Variants in WWOX observed in about 807,000 individuals in gnomAD.
The protein encoded by WWOX is WW domain containing oxidoreductase, also known as WW domain-containing oxidoreductase.
A neutral mutation model predicts 46.2 loss-of-function variants in WWOX; 69 were observed. The ratio of observed to expected loss-of-function variants is 1.49; its 90% CI spans 1.23 to 1.82. The LOEUF (loss-of-function observed/expected upper bound fraction) is 1.82, where lower values mean the gene tolerates loss of function less well. WWOX is among the 40% of genes most tolerant of loss of function. WWOX has a pLI of 0.00. For missense variants in WWOX, 919 were observed against 542.6 expected (o/e 1.69, Z -6.89); for synonymous variants, 359 against 202.6 (o/e 1.77, Z -6.56).
At chr16:79,177,379 C>T (rs1425259059) in intron 8 of WWOX, among the ~76,000 whole-genome samples, 1 of 151,468 alleles carries the variant, frequency 6.6e-6, no homozygotes, top group Non-Finnish European at 1.5e-5. Context: ...TTTCCACTCT[C>T]CCTCCGTGGC....
chr16:78,303,597 T>A (rs2080081413), intron 5 of WWOX, among the ~76,000 whole-genome samples: 1 of 152,194 alleles, frequency 6.6e-6, no homozygotes, highest in African/African-American at 2.4e-5. Flanking sequence ...CAGTCTGGAG[T>A]GCAATGGCAC....
chr16:79,083,256 C>G (rs1401597211), intron 8 of WWOX, among the ~76,000 whole-genome samples: 3 of 152,110 alleles, frequency 2.0e-5, no homozygotes, highest in Admixed American at 6.6e-5. Context: ...TTTGCTTTGC[C>G]TAATGAAATG....
At chr16:79,137,431 C>T (rs1376255469) in intron 8 of WWOX, among the ~76,000 whole-genome samples, 1 of 152,168 alleles carries the variant, frequency 6.6e-6, no homozygotes, top group Non-Finnish European at 1.5e-5. Flanking sequence ...CATTTAGAGA[C>T]AGAATTCACT....
chr16:79,049,282 C>G (rs563087135), intron 8 of WWOX, among the ~76,000 whole-genome samples: 28 of 152,278 alleles, frequency 1.8e-4, no homozygotes, highest in African/African-American at 6.5e-4. Context: ...CAGATTTTGC[C>G]TTTGTCAAGG....
chr16:78,548,351 A>AAC (rs1364886190), intron 8 of WWOX, among the ~76,000 whole-genome samples: 1 of 151,568 alleles, frequency 6.6e-6, no homozygotes, highest in East Asian at 1.9e-4. Flanking sequence ...AGAAAAAAAA[A>AAC]ATCCAGATTG....
intron 8 of WWOX, among the ~76,000 whole-genome samples, chr16:78,607,922 A>G (rs2045801493): frequency 6.6e-6 from 1 of 152,182 alleles, no homozygotes; most frequent in Non-Finnish European, 1.5e-5. Flanking sequence ...CTGTAAAAAT[A>G]TTGCTGGCTC....
chr16:79,001,754 C>T (rs1300479839), intron 8 of WWOX, among the ~76,000 whole-genome samples: 1 of 151,854 alleles, frequency 6.6e-6, no homozygotes, highest in Non-Finnish European at 1.5e-5. Context: ...GGCGTTTGTG[C>T]AGTGGGAAGT....
chr16:78,556,398 A>G (rs777547437), intron 8 of WWOX, among the ~76,000 whole-genome samples: 19 of 152,134 alleles, frequency 1.2e-4, no homozygotes, highest in Non-Finnish European at 2.2e-4. Flanking sequence ...ACTTGAGAGG[A>G]GCAGAGTTCT....
chr16:78,746,501 C>A (rs2049350243), intron 8 of WWOX, among the ~76,000 whole-genome samples: 1 of 152,036 alleles, frequency 6.6e-6, no homozygotes, highest in Non-Finnish European at 1.5e-5. Context: ...TGCTAAAGTG[C>A]ATTGTAGTAA....
chr16:78,972,593 C>A (rs4888896), intron 8 of WWOX, among the ~76,000 whole-genome samples: 67,994 of 151,678 alleles, frequency 0.45, 15,616 homozygotes, highest in East Asian at 0.49. Context: ...GTTCCATTTA[C>A]ATTGAATGGC....
At chr16:78,112,171 T>G (rs1304163723) in intron 3 of WWOX, among the ~76,000 whole-genome samples, 1 of 152,222 alleles carries the variant, frequency 6.6e-6, no homozygotes, top group African/African-American at 2.4e-5. Context: ...ACTTTAAGGT[T>G]GAGCAAACAC....
intron 8 of WWOX, among the ~76,000 whole-genome samples, chr16:79,105,114 G>T (rs1284361021): frequency 1.3e-5 from 2 of 152,136 alleles, no homozygotes; most frequent in African/African-American, 4.8e-5. Context: ...CACCTGCTGG[G>T]GGTCTTTGGG....
intron 5 of WWOX, among the ~76,000 whole-genome samples, chr16:78,345,062 G>C (rs907100527): frequency 1.7e-5 from 2 of 119,340 alleles, no homozygotes; most frequent in African/African-American, 5.7e-5. Flanking sequence ...TGGACCTAAA[G>C]TACCTAGGAG....
At chr16:78,619,578 A>G (rs2046125994) in intron 8 of WWOX, among the ~76,000 whole-genome samples, 3 of 151,804 alleles carry the variant, frequency 2.0e-5, no homozygotes, top group Non-Finnish European at 1.5e-5. Flanking sequence ...TTTGTTAAAT[A>G]CAGAAGTAAA....
At chr16:79,206,974 C>T (rs1056928893) in intron 8 of WWOX, among the ~76,000 whole-genome samples, 1 of 152,050 alleles carries the variant, frequency 6.6e-6, no homozygotes, top group Non-Finnish European at 1.5e-5. Context: ...GAGATTGAAG[C>T]TGTAATTGTT....
At chr16:79,132,165 C>CACCCCT (rs893022414) in intron 8 of WWOX, among the ~76,000 whole-genome samples, 1 of 149,682 alleles carries the variant, frequency 6.7e-6, no homozygotes, top group Admixed American at 6.7e-5. Context: ...CACACACACA[C>CACCCCT]ACCCCTTCCT....
chr16:78,600,010 T>C (rs2151615340), intron 8 of WWOX, among the ~76,000 whole-genome samples: 1 of 152,252 alleles, frequency 6.6e-6, no homozygotes, highest in East Asian at 1.9e-4. Context: ...CAGCTCCACA[T>C]GGCTGGGGAG....
At chr16:78,537,145 G>T (rs1027153239) in intron 8 of WWOX, among the ~76,000 whole-genome samples, 1 of 152,020 alleles carries the variant, frequency 6.6e-6, no homozygotes, top group Non-Finnish European at 1.5e-5. Flanking sequence ...TTGAACACCT[G>T]ACCTCAGGTG....
chr16:78,930,049 G>C (rs1411348847), intron 8 of WWOX, among the ~76,000 whole-genome samples: 2 of 152,048 alleles, frequency 1.3e-5, no homozygotes, highest in Non-Finnish European at 2.9e-5. Context: ...CTTCTTGGGC[G>C]TGTCCTTAGG....
Sources: gnomAD v4.1 joint callset for allele counts (sites outside exome capture counted in the v4.1 genomes callset) on GRCh38, gnomAD v4.1.1 for gene constraint, MANE v1.5 for transcripts, NCBI Gene and HGNC (gene_info 2026-07-23, HGNC 2026-07-21) for gene names.